CTNNA3: variants seen among roughly 807,000 people sequenced by gnomAD.
CTNNA3 encodes catenin alpha 3.
A neutral mutation model predicts 95.7 loss-of-function variants in CTNNA3; 76 were observed. That is an observed-to-expected ratio of 0.79 (90% CI 0.66 to 0.96). The LOEUF (loss-of-function observed/expected upper bound fraction) is 0.96. CTNNA3 is among the 40% of genes least tolerant of loss of function. The pLI is 0.00. For synonymous variants in CTNNA3, 431 were observed against 374.4 expected, an observed-to-expected ratio of 1.15 and a Z score of -1.74; for missense variants, 1,191 against 1,089.8, an observed-to-expected ratio of 1.09 and a Z score of -1.31.
intron 10 of CTNNA3, among the ~76,000 whole-genome samples, chr10:66,558,545 A>G (rs928676564): frequency 6.6e-6 from 1 of 152,154 alleles, no homozygotes; most frequent in Non-Finnish European, 1.5e-5. Flanking sequence ...CACATATTGC[A>G]TAAATTCCTA....
intron 13 of CTNNA3, among the ~76,000 whole-genome samples, chr10:66,191,326 C>T (rs555100795): frequency 6.6e-6 from 1 of 152,166 alleles, no homozygotes; most frequent in East Asian, 1.9e-4. Context: ...AAAATGTCTC[C>T]ATGGTCCTGT....
intron 14 of CTNNA3, among the ~76,000 whole-genome samples, chr10:66,077,967 A>T (rs1433699324): frequency 6.6e-6 from 1 of 151,768 alleles, no homozygotes; most frequent in Non-Finnish European, 1.5e-5. Flanking sequence ...AACACTAAAG[A>T]GTTTCTATTC....
chr10:65,937,549 A>G (rs996825005), intron 17 of CTNNA3, among the ~76,000 whole-genome samples: 10 of 152,104 alleles, frequency 6.6e-5, no homozygotes, highest in African/African-American at 2.4e-4. Flanking sequence ...GTCATTTTCC[A>G]GGGAGATGGT....
intron 8 of CTNNA3, among the ~76,000 whole-genome samples, chr10:66,769,693 C>A (rs1010575308): frequency 2.6e-5 from 4 of 152,174 alleles, no homozygotes; most frequent in Non-Finnish European, 5.9e-5. Context: ...AGCGTCCACA[C>A]CACTGGGGGA....
intron 7 of CTNNA3, among the ~76,000 whole-genome samples, chr10:67,157,027 AT>A (rs1311903242): frequency 6.6e-6 from 1 of 152,286 alleles, no homozygotes; most frequent in Non-Finnish European, 1.5e-5. Flanking sequence ...TTTTATCACT[AT>A]ATAATGTCCT....
At chr10:67,319,404 C>A (rs764017972) in intron 5 of CTNNA3, among the ~76,000 whole-genome samples, 13 of 152,040 alleles carry the variant, frequency 8.6e-5, no homozygotes, top group Admixed American at 4.6e-4. Context: ...TAACCCCAAC[C>A]CGGTAGCACA....
intron 10 of CTNNA3, among the ~76,000 whole-genome samples, chr10:66,599,182 T>G (rs1843829310): frequency 6.6e-6 from 1 of 152,016 alleles, no homozygotes; most frequent in African/African-American, 2.4e-5. Context: ...CTTTCAAATA[T>G]TTGCCTTTGA....
At chr10:66,205,910 C>G (rs565224584) in intron 13 of CTNNA3, among the ~76,000 whole-genome samples, 58 of 151,676 alleles carry the variant, frequency 3.8e-4, no homozygotes, top group Non-Finnish European at 7.7e-4. Flanking sequence ...CAAACGTCAC[C>G]ATTTATTTGC....
At chr10:67,430,305 C>T (rs1203509684) in intron 5 of CTNNA3, among the ~76,000 whole-genome samples, 2 of 151,954 alleles carry the variant, frequency 1.3e-5, no homozygotes, top group Admixed American at 6.6e-5. Context: ...GGACTGTAGT[C>T]TTGGATATAA....
At chr10:67,587,760 T>C (rs1842680761) in intron 3 of CTNNA3, among the ~76,000 whole-genome samples, 1 of 152,204 alleles carries the variant, frequency 6.6e-6, no homozygotes, top group African/African-American at 2.4e-5. Flanking sequence ...CCTGTTATAC[T>C]TGAGAAGTTT....
intron 13 of CTNNA3, among the ~76,000 whole-genome samples, chr10:66,278,298 C>T (rs1373540050): frequency 6.6e-6 from 1 of 150,892 alleles, no homozygotes; most frequent in African/African-American, 2.4e-5. Context: ...AACATAAGAA[C>T]AAGTCTTCTA....
At chr10:67,464,318 G>A (rs1002744128) in intron 5 of CTNNA3, among the ~76,000 whole-genome samples, 1 of 151,930 alleles carries the variant, frequency 6.6e-6, no homozygotes, top group African/African-American at 2.4e-5. Flanking sequence ...TATTCTTCAA[G>A]GTCCAGAAAC....
chr10:66,798,860 A>G (rs1156408172), intron 7 of CTNNA3, among the ~76,000 whole-genome samples: 1 of 151,686 alleles, frequency 6.6e-6, no homozygotes, highest in Admixed American at 6.6e-5. Flanking sequence ...CTAGACAACT[A>G]CAATTTTTCT....
At chr10:66,063,194 G>GTATATATATATA (rs150710369) in intron 15 of CTNNA3, among the ~76,000 whole-genome samples, 1 of 119,864 alleles carries the variant, frequency 8.3e-6, no homozygotes, top group African/African-American at 3.3e-5. Context: ...CTGGATACAT[G>GTATATATATATA]TATATATATA....
intron 7 of CTNNA3, among the ~76,000 whole-genome samples, chr10:67,072,526 C>T (rs978595505): frequency 1.3e-5 from 2 of 152,116 alleles, no homozygotes; most frequent in East Asian, 1.9e-4. Context: ...TTCTCACTTT[C>T]GATATTAAGC....
intron 7 of CTNNA3, among the ~76,000 whole-genome samples, chr10:66,939,297 A>G (rs912702592): frequency 2.0e-5 from 3 of 151,798 alleles, no homozygotes; most frequent in African/African-American, 7.3e-5. Context: ...TTTGCACTAC[A>G]TTTCTTTTTC....
intron 14 of CTNNA3, 126 bp downstream of exon 14, chr10:66,103,031 T>C (rs2081710106): frequency 4.1e-6 from 3 of 726,818 alleles, no homozygotes; most frequent in Non-Finnish European, 2.4e-6. Context: ...CTTTTCTCCA[T>C]GTGCTTCACA....
At chr10:66,263,093 G>A (rs2091052432) in intron 13 of CTNNA3, among the ~76,000 whole-genome samples, 1 of 152,008 alleles carries the variant, frequency 6.6e-6, no homozygotes, top group Non-Finnish European at 1.5e-5. Context: ...ACGGTTGGAA[G>A]AGGAAACACA....
chr10:66,119,362 T>C (rs1429331582), intron 13 of CTNNA3, among the ~76,000 whole-genome samples: 1 of 152,188 alleles, frequency 6.6e-6, no homozygotes, highest in Non-Finnish European at 1.5e-5. Flanking sequence ...TACAAAGTGT[T>C]CAGTTTGGTT....
Sources: gnomAD v4.1 joint callset for allele counts (sites outside exome capture counted in the v4.1 genomes callset) on GRCh38, gnomAD v4.1.1 for gene constraint, MANE v1.5 for transcripts, NCBI Gene and HGNC (gene_info 2026-07-23, HGNC 2026-07-21) for gene names.